Variants in TENM1 observed in about 807,000 individuals in gnomAD.
The protein encoded by TENM1 is teneurin-1.
Under a neutral mutation model 174.8 loss-of-function variants are expected in TENM1, and 35 were observed. The observed-to-expected ratio is 0.20, with a 90% confidence interval of 0.15 to 0.27. The LOEUF (loss-of-function observed/expected upper bound fraction) is 0.27, where lower values mean the gene tolerates loss of function less well. Ranked by LOEUF, TENM1 falls within the 10% of genes least tolerant of loss-of-function variation. The probability of loss-of-function intolerance (pLI) is 1.00; values close to 1 mark genes in which losing one functional copy is unlikely to be tolerated. For synonymous variants in TENM1, 781 were observed against 798.7 expected, an observed-to-expected ratio of 0.98 and a Z score of 0.37; for missense variants, 1,633 against 2,130.1, an observed-to-expected ratio of 0.77 and a Z score of 4.59.
intron 3 of TENM1, among the ~76,000 whole-genome samples, chrX:124,753,885 A>G (rs1166081461): frequency 4.5e-5 from 5 of 111,394 alleles, no homozygotes; most frequent in Non-Finnish European, 9.4e-5. Context: ...GCTGGATTCA[A>G]TTTGCCAGTA....
chrX:125,083,816 A>T, the TENM1 span, among the ~76,000 whole-genome samples: 1 of 111,271 alleles, frequency 9.0e-6, no homozygotes, highest in South Asian at 3.8e-4. Context: ...AGGTCACTGT[A>T]GCCATGGTCT....
chrX:124,859,389 C>T (rs1420268047), intron 3 of TENM1, among the ~76,000 whole-genome samples: 1 of 108,016 alleles, frequency 9.3e-6, no homozygotes, highest in Admixed American at 9.9e-5. Flanking sequence ...CTAAAAACTA[C>T]AAAAATTAGC....
At chrX:124,496,885 G>T in intron 20 of TENM1, 131 bp downstream of exon 23, 1 of 633,629 alleles carries the variant, frequency 1.6e-6, no homozygotes, top group Non-Finnish European at 2.4e-6. Flanking sequence ...CCCTATTCCT[G>T]CATCTTAACT....
At chrX:124,684,465 T>C (rs946209702) in intron 5 of TENM1, among the ~76,000 whole-genome samples, 5 of 112,632 alleles carry the variant, frequency 4.4e-5, no homozygotes, top group Admixed American at 1.9e-4. Flanking sequence ...AACTTCACTG[T>C]AGAACCCAGC....
the TENM1 span, among the ~76,000 whole-genome samples, chrX:125,027,611 CT>C: frequency 5.4e-4 from 45 of 83,061 alleles, no homozygotes; most frequent in Middle Eastern, 0.021. Context: ...TTTTCTTTTT[CT>C]TTTTTTTTTT....
At chrX:125,117,699 A>AT in the TENM1 span, among the ~76,000 whole-genome samples, 2 of 111,326 alleles carry the variant, frequency 1.8e-5, no homozygotes, top group African/African-American at 6.5e-5. Flanking sequence ...TTAAACTATA[A>AT]TTTAAAAAAA....
In TENM1 at chrX:124,601,561, A is replaced by G. The variant is rs934862649; in HGVS notation, c.2078-36001T>C. On this transcript the variant is annotated intron_variant, in intron 11 of 31. Transcript: ENST00000422452. ...GGGCAGAGGAGAAGTTAGAAGTTTG[A>G]GAAGAGAAATTCTGAAAAAGTGTCT... 4.5e-5 allele frequency among the ~76,000 whole-genome samples: 5 copies of G among 111,272 alleles called. No individual in the cohort carries two copies. In the Admixed American group the frequency reaches 4.8e-4, roughly 11 times the overall value.
intron 3 of TENM1, among the ~76,000 whole-genome samples, chrX:124,745,983 C>T (rs1025468742): frequency 8.1e-5 from 9 of 111,422 alleles, no homozygotes; most frequent in Non-Finnish European, 1.3e-4. Context: ...AGTAACAATT[C>T]TGTAGGAAGG....
chrX:124,992,744 T>C, the TENM1 span, among the ~76,000 whole-genome samples: 1 of 111,813 alleles, frequency 8.9e-6, no homozygotes, highest in Non-Finnish European at 1.9e-5. Flanking sequence ...TTCCCTGCTC[T>C]ATTTCTATTA....
intron 3 of TENM1, among the ~76,000 whole-genome samples, chrX:124,753,150 C>T (rs771334911): frequency 1.2e-3 from 130 of 109,264 alleles, no homozygotes; most frequent in African/African-American, 4.3e-3. Context: ...TCTTTGTATC[C>T]TCTTTTATTT....
intron 3 of TENM1, among the ~76,000 whole-genome samples, chrX:124,762,144 A>C (rs771219134): frequency 1.5e-4 from 17 of 111,890 alleles, no homozygotes; most frequent in Non-Finnish European, 3.2e-4. Flanking sequence ...TGGTGGGGAG[A>C]AAGTATGTCT....
At chrX:124,768,413 G>T (rs755690758) in intron 3 of TENM1, among the ~76,000 whole-genome samples, 229 of 111,758 alleles carry the variant, frequency 2.0e-3, no homozygotes, top group Non-Finnish European at 3.7e-3. Flanking sequence ...GCTTCAGATG[G>T]TATCCAAATC....
intron 10 of TENM1, 152 bp downstream of exon 13, chrX:124,644,991 C>T (rs890988234): frequency 8.6e-6 from 4 of 466,257 alleles, no homozygotes; most frequent in Admixed American, 8.6e-5. Context: ...ACAAGAGCTC[C>T]GCTGACCCAA....
chrX:125,077,756 C>T, the TENM1 span, among the ~76,000 whole-genome samples: 1 of 111,333 alleles, frequency 9.0e-6, no homozygotes, highest in East Asian at 2.9e-4. Flanking sequence ...TTATTGGTGG[C>T]TTAATAATCT....
the TENM1 span, among the ~76,000 whole-genome samples, chrX:125,157,371 T>TA: frequency 2.7e-5 from 3 of 112,202 alleles, no homozygotes; most frequent in Non-Finnish European, 5.6e-5. Context: ...CAATATGCAA[T>TA]ATAGCTTGAA....
intron 27 of TENM1, among the ~76,000 whole-genome samples, chrX:124,402,533 AAG>A (rs1165196665): frequency 8.9e-6 from 1 of 112,448 alleles, no homozygotes; most frequent in Non-Finnish European, 1.9e-5. Context: ...TCTCAGCACT[AAG>A]AACAATTTGG....
chrX:124,616,791 G>A (rs762424301), intron 11 of TENM1, among the ~76,000 whole-genome samples: 9 of 111,939 alleles, frequency 8.0e-5, no homozygotes, highest in African/African-American at 2.9e-4. Flanking sequence ...GAATGGATCA[G>A]TGGAAGACCT....
At chrX:124,600,066 A>AT (rs2049993678) in intron 11 of TENM1, among the ~76,000 whole-genome samples, 2 of 110,152 alleles carry the variant, frequency 1.8e-5, no homozygotes, top group South Asian at 7.8e-4. Context: ...ATGTATGTGT[A>AT]TATTTCCTAC....
intron 1 of TENM1, among the ~76,000 whole-genome samples, chrX:124,916,306 C>A (rs2057922810): frequency 9.0e-6 from 1 of 111,049 alleles, no homozygotes; most frequent in Admixed American, 9.6e-5. Flanking sequence ...AAAACTCATA[C>A]TGAATTTTTT....
Sources: gnomAD v4.1 joint callset for allele counts (sites outside exome capture counted in the v4.1 genomes callset) on GRCh38, gnomAD v4.1.1 for gene constraint, MANE v1.5 for transcripts, NCBI Gene and HGNC (gene_info 2026-07-23, HGNC 2026-07-21) for gene names.